PRKN: variants seen among roughly 807,000 people sequenced by gnomAD.
The protein encoded by PRKN is E3 ubiquitin-protein ligase parkin.
A neutral mutation model predicts 59.5 loss-of-function variants in PRKN; 56 were observed. The observed-to-expected ratio is 0.94, with a 90% CI of 0.76 to 1.18. PRKN has a LOEUF of 1.18. Among genes scored for constraint, PRKN ranks in the 50% most tolerant of loss-of-function variants. PRKN has a pLI of 0.00. For missense variants in PRKN, 657 were observed against 596.4 expected (o/e 1.10, Z -1.06); for synonymous variants, 250 against 222.1 (o/e 1.13, Z -1.12).
intron 7 of PRKN, among the ~76,000 whole-genome samples, chr6:161,686,840 G>A (rs758222994): frequency 4.6e-5 from 7 of 152,116 alleles, no homozygotes; most frequent in African/African-American, 9.7e-5. Context: ...CCACAAGGGC[G>A]TGCCTCCATG....
chr6:161,735,921 A>T (rs1385704838), intron 7 of PRKN, among the ~76,000 whole-genome samples: 1 of 152,126 alleles, frequency 6.6e-6, no homozygotes, highest in African/African-American at 2.4e-5. Context: ...TCTCAGAAAA[A>T]ACAAAAAAAA....
In PRKN at chr6:161,982,101, T is replaced by A. The variant is rs151158838; in HGVS notation, c.619-8684A>T. ...CTCTGCCTGATTGTAAGTTCTTCAG[T>A]GTGCCTTGAAGTTTATTCCAGGTGT... On this transcript the variant is annotated intron_variant, in intron 5 of 11. Transcript: ENST00000366898. 3.3e-5 allele frequency among the ~76,000 whole-genome samples: 5 copies of A among 152,342 alleles called. No individual in the cohort carries two copies. The East Asian group carries it at 9.7e-4, about 29-fold the overall frequency.
chr6:161,680,726 CATAT>C (rs56954052), intron 7 of PRKN, among the ~76,000 whole-genome samples: 100 of 50,942 alleles, frequency 2.0e-3, no homozygotes, highest in African/African-American at 3.1e-3. Context: ...TCCTGAAATA[CATAT>C]ATATATATAT....
intron 2 of PRKN, among the ~76,000 whole-genome samples, chr6:162,269,803 G>A (rs921031196): frequency 1.3e-5 from 2 of 152,146 alleles, no homozygotes; most frequent in African/African-American, 4.8e-5. Flanking sequence ...GGAAAGGCAA[G>A]TCGAAACCAC....
In PRKN at chr6:162,008,473, A is replaced by G. The variant is rs574370936; in HGVS notation, c.619-35056T>C. ...AAGTACTCAAGCCAAGGCTGAGAAGAGAACAGTGTATCGAAATGCATCATG... is the reference window on the plus strand; with the variant it reads ...AAGTACTCAAGCCAAGGCTGAGAAGGGAACAGTGTATCGAAATGCATCATG... On this transcript the variant is annotated intron_variant, in intron 5 of 11. Coordinates refer to ENST00000366898, the MANE Select transcript of PRKN (RefSeq NM_004562.3). Among the ~76,000 whole-genome samples the G allele has an allele frequency of 3.9e-5, 6 of 152,312 alleles. No homozygotes were observed. In the East Asian group the frequency reaches 1.2e-3, roughly 29 times the overall value.
At chr6:161,784,893 T>C (rs1193072820) in intron 7 of PRKN, among the ~76,000 whole-genome samples, 1 of 152,016 alleles carries the variant, frequency 6.6e-6, no homozygotes, top group Non-Finnish European at 1.5e-5. Flanking sequence ...ACACAAATTG[T>C]GGGGTATCCA....
intron 1 of PRKN, among the ~76,000 whole-genome samples, chr6:162,551,985 G>A (rs1779347970): frequency 6.6e-6 from 1 of 152,040 alleles, no homozygotes; most frequent in African/African-American, 2.4e-5. Flanking sequence ...CTGATACTGT[G>A]GTCAAGAATA....
intron 9 of PRKN, among the ~76,000 whole-genome samples, chr6:161,482,907 T>C (rs1181534893): frequency 2.0e-5 from 3 of 152,232 alleles, no homozygotes; most frequent in Non-Finnish European, 4.4e-5. Flanking sequence ...TATTTTAGCT[T>C]AGACTTTAGT....
At position 161,456,366 on chromosome 6, in the gene PRKN, T is replaced by C. The variant is rs1789970172; in HGVS notation, c.1084-69489A>G. The stretch of plus-strand genomic sequence containing the variant: ...AACATCAGACTCCAAGTTCTTCAGC[T>C]TTTGGACTCTTGGACCTACACCAGT... On this transcript the variant is annotated intron_variant, in intron 9 of 11. Coordinates refer to ENST00000366898, the MANE Select transcript of PRKN (RefSeq NM_004562.3). The surrounding 1 kb of genome is among the most constrained non-coding windows in gnomAD (Gnocchi z 4.8). Among the ~76,000 whole-genome samples, 1 of 152,222 alleles carries C rather than the reference T, an allele frequency of 6.6e-6. No individual in the cohort carries two copies. Among genetic ancestry groups the C allele is most frequent in the Non-Finnish European group, 1.5e-5 (1 of 68,000 alleles).
chr6:162,185,661 T>C (rs575025256), intron 4 of PRKN, among the ~76,000 whole-genome samples: 1 of 152,276 alleles, frequency 6.6e-6, no homozygotes, highest in South Asian at 2.1e-4. Context: ...TTTTCAGCTC[T>C]TCTTATCCTG....
intron 1 of PRKN, among the ~76,000 whole-genome samples, chr6:162,558,729 C>A (rs1432802570): frequency 6.6e-6 from 1 of 151,868 alleles, no homozygotes; most frequent in Non-Finnish European, 1.5e-5. Context: ...GTCTCTGCCT[C>A]CAAGGCTCAA....
intron 1 of PRKN, among the ~76,000 whole-genome samples, chr6:162,451,367 T>TAAAAAAAAA (rs140082933): frequency 9.5e-6 from 1 of 104,720 alleles, no homozygotes; most frequent in Non-Finnish European, 2.0e-5. Flanking sequence ...CTTAAAGGAG[T>TAAAAAAAAA]AAAAAAAAAA....
At chr6:162,547,646 T>G in intron 1 of PRKN, among the ~76,000 whole-genome samples, 1 of 152,252 alleles carries the variant, frequency 6.6e-6, no homozygotes, top group South Asian at 2.1e-4. Flanking sequence ...AATGGCACAA[T>G]CTCAGCTCAC....
chr6:162,121,706 T>TA (rs551854583), intron 4 of PRKN, among the ~76,000 whole-genome samples: 473 of 152,234 alleles, frequency 3.1e-3, no homozygotes, highest in Middle Eastern at 0.024. Context: ...TCTATGAACA[T>TA]AAAGAAACCA....
chr6:162,330,647 T>C (rs1206216477), intron 2 of PRKN, among the ~76,000 whole-genome samples: 3 of 152,178 alleles, frequency 2.0e-5, no homozygotes, highest in Non-Finnish European at 4.4e-5. Context: ...ACTAAACAGG[T>C]AGTGCTTTCA....
Position 162,255,954 on chromosome 6 carries a change from G to C in PRKN, c.412+6571C>G, listed in dbSNP as rs181517105. Among the ~76,000 whole-genome samples, 21 of 152,154 alleles carry C rather than the reference G, an allele frequency of 1.4e-4. No individual in the cohort carries two copies. In the East Asian group the frequency reaches 2.5e-3, roughly 18 times the overall value. On this transcript the variant is annotated intron_variant, in intron 3 of 11. Transcript: ENST00000366898. ...AAATCACAACCCCACTGATGCACTG[G>C]GACTCTAGTGAGTTTAATTATCATG...
rs1785042330 is a variant in PRKN, at chr6:161,363,137, G to A, written c.1168-2932C>T. Among the ~76,000 whole-genome samples, 1 of 152,204 alleles carries A rather than the reference G, an allele frequency of 6.6e-6. No homozygotes were observed. Among genetic ancestry groups the A allele is most frequent in the South Asian group, 2.1e-4 (1 of 4,832 alleles). On this transcript the variant is annotated intron_variant, in intron 10 of 11. Transcript: ENST00000366898. This position sits in a 1 kb window ranked among gnomAD's most constrained non-coding sequence, Gnocchi z 4.1. ...TGCACCTGTAGTCCCAGGTACTTGG[G>A]AGGCTGAGGCAGGAGAAGTACCTGA...
chr6:162,456,249 A>G (rs767114398), intron 1 of PRKN, among the ~76,000 whole-genome samples: 12 of 152,298 alleles, frequency 7.9e-5, no homozygotes, highest in Admixed American at 2.6e-4. Context: ...CATTCCAGCA[A>G]TAAGTAAGAT....
intron 7 of PRKN, among the ~76,000 whole-genome samples, chr6:161,690,047 A>C (rs533804079): frequency 5.9e-5 from 9 of 152,338 alleles, no homozygotes; most frequent in African/African-American, 2.2e-4. Context: ...TAAATGATTA[A>C]GAAAAATAAA....
Sources: allele counts gnomAD v4.1 joint callset (sites outside exome capture counted in the v4.1 genomes callset), GRCh38; gene constraint gnomAD v4.1.1; non-coding constraint Gnocchi (gnomAD v3.1); transcripts MANE v1.5; gene names NCBI Gene and HGNC (gene_info 2026-07-23, HGNC 2026-07-21).